RUNDC3B: variants seen among roughly 807,000 people sequenced by gnomAD.
RUNDC3B encodes the protein RUN domain containing 3B, also known as RUN domain-containing protein 3B.
RUNDC3B carries 33 observed loss-of-function variants against 58.4 expected under a neutral mutation model. The observed-to-expected ratio is 0.56, with a 90% CI of 0.43 to 0.75. The LOEUF is 0.75. Among genes scored for constraint, RUNDC3B ranks in the 30% least tolerant of loss-of-function variants. The pLI is 0.00. For missense variants in RUNDC3B, 501 were observed against 535.7 expected (o/e 0.94, Z 0.64); for synonymous variants, 193 against 195.2 (o/e 0.99, Z 0.10).
intron 2 of RUNDC3B, among the ~76,000 whole-genome samples, chr7:87,690,746 T>A (rs1228212905): frequency 1.3e-5 from 2 of 152,172 alleles, no homozygotes; most frequent in Non-Finnish European, 2.9e-5. Context: ...TATATGATAC[T>A]GCCAATTTAT....
At chr7:87,735,196 C>T (rs1218894664) in intron 4 of RUNDC3B, among the ~76,000 whole-genome samples, 1 of 152,180 alleles carries the variant, frequency 6.6e-6, no homozygotes, top group Non-Finnish European at 1.5e-5. Flanking sequence ...AAAAGTCATA[C>T]CTGATTCCTC....
At chr7:87,655,792 C>T (rs146458356) in intron 2 of RUNDC3B, among the ~76,000 whole-genome samples, 3 of 152,206 alleles carry the variant, frequency 2.0e-5, no homozygotes, top group African/African-American at 7.2e-5. Context: ...AACTTAACCC[C>T]CTGTCCAACA....
chr7:87,806,381 G>C (rs191440298), intron 8 of RUNDC3B, among the ~76,000 whole-genome samples: 1 of 152,214 alleles, frequency 6.6e-6, no homozygotes, highest in Admixed American at 6.5e-5. Flanking sequence ...CCCACAACAG[G>C]ACTTTTATCT....
At chr7:87,673,366 T>C (rs893212862) in intron 2 of RUNDC3B, among the ~76,000 whole-genome samples, 1 of 152,214 alleles carries the variant, frequency 6.6e-6, no homozygotes, top group Non-Finnish European at 1.5e-5. Flanking sequence ...ATGAATCACA[T>C]ATTTTGTCTC....
intron 2 of RUNDC3B, among the ~76,000 whole-genome samples, chr7:87,695,942 A>T (rs921796784): frequency 4.6e-5 from 7 of 152,114 alleles, no homozygotes; most frequent in African/African-American, 1.7e-4. Flanking sequence ...GGTCCTAAAG[A>T]TGAGGCAATT....
chr7:87,643,887 T>C (rs1338946629), intron 1 of RUNDC3B, among the ~76,000 whole-genome samples: 1 of 151,828 alleles, frequency 6.6e-6, no homozygotes, highest in African/African-American at 2.4e-5. Context: ...TTTGTTTGTT[T>C]CCGCTCTTTC....
At chr7:87,717,617 C>T (rs1830635386) in intron 4 of RUNDC3B, among the ~76,000 whole-genome samples, 1 of 151,806 alleles carries the variant, frequency 6.6e-6, no homozygotes, top group East Asian at 1.9e-4. Context: ...ATATAATTTG[C>T]CCAAATAGGC....
chr7:87,753,128 T>C (rs1321981628), intron 6 of RUNDC3B, among the ~76,000 whole-genome samples: 1 of 151,994 alleles, frequency 6.6e-6, no homozygotes, highest in Non-Finnish European at 1.5e-5. Context: ...CATTTCGTTA[T>C]GTACCCAGTA....
chr7:87,692,419 T>G (rs1475264031), intron 2 of RUNDC3B, among the ~76,000 whole-genome samples: 5 of 152,300 alleles, frequency 3.3e-5, no homozygotes, highest in Non-Finnish European at 7.4e-5. Context: ...AATGCATCAC[T>G]GAGCTCCAGC....
At chr7:87,739,735 G>T (rs572689897) in intron 4 of RUNDC3B, 56 bp from the exon 5 acceptor site, 2 of 786,578 alleles carry the variant, frequency 2.5e-6, no homozygotes, top group Admixed American at 2.1e-5. Flanking sequence ...GATTTCTCTC[G>T]ATCAAACTTC....
chr7:87,686,583 G>A (rs1487709105), intron 2 of RUNDC3B, among the ~76,000 whole-genome samples: 2 of 152,046 alleles, frequency 1.3e-5, no homozygotes, highest in East Asian at 1.9e-4. Context: ...CTTCAGCTTG[G>A]TGACATGAGG....
At chr7:87,697,871 C>T (rs953559019) in intron 2 of RUNDC3B, among the ~76,000 whole-genome samples, 2 of 152,006 alleles carry the variant, frequency 1.3e-5, no homozygotes, top group African/African-American at 2.4e-5. Flanking sequence ...TCAGGTCCAC[C>T]GGACTCAAAG....
intron 2 of RUNDC3B, among the ~76,000 whole-genome samples, chr7:87,696,708 C>G (rs930272366): frequency 6.6e-6 from 1 of 152,004 alleles, no homozygotes; most frequent in African/African-American, 2.4e-5. Context: ...AAGTCATCCT[C>G]ACATCTAATT....
chr7:87,727,433 G>T (rs1303223116), intron 4 of RUNDC3B, among the ~76,000 whole-genome samples: 1 of 151,996 alleles, frequency 6.6e-6, no homozygotes, highest in Non-Finnish European at 1.5e-5. Context: ...GTTCACTTTA[G>T]TAATCCAATT....
chr7:87,812,018 ACTGT>A (rs1836746225), intron 9 of RUNDC3B, among the ~76,000 whole-genome samples: 1 of 152,184 alleles, frequency 6.6e-6, no homozygotes, highest in African/African-American at 2.4e-5. Context: ...TATGTATCAC[ACTGT>A]CTGTTGCCCA....
At chr7:87,670,448 T>C (rs1280303394) in intron 2 of RUNDC3B, among the ~76,000 whole-genome samples, 3 of 152,224 alleles carry the variant, frequency 2.0e-5, no homozygotes, top group Admixed American at 1.3e-4. Context: ...TTTGTACCTA[T>C]CCATAGTCTG....
chr7:87,708,364 T>C (rs948029361), intron 3 of RUNDC3B, among the ~76,000 whole-genome samples: 1 of 152,084 alleles, frequency 6.6e-6, no homozygotes, highest in Non-Finnish European at 1.5e-5. Context: ...TATGAATAAC[T>C]TCACATCTAT....
At chr7:87,710,732 G>A in intron 4 of RUNDC3B, 77 bp downstream of exon 4, 1 of 742,958 alleles carries the variant, frequency 1.3e-6, no homozygotes, top group Non-Finnish European at 2.2e-6. Flanking sequence ...ATAGGATGAA[G>A]AATCAATTTC....
chr7:87,789,995 A>G (rs1563211295), intron 8 of RUNDC3B, among the ~76,000 whole-genome samples: 1 of 152,188 alleles, frequency 6.6e-6, no homozygotes, highest in African/African-American at 2.4e-5. Flanking sequence ...TGGCTTCACT[A>G]TCTGCTGATC....
Sources: gnomAD v4.1 joint callset for allele counts (sites outside exome capture counted in the v4.1 genomes callset) on GRCh38, gnomAD v4.1.1 for gene constraint, MANE v1.5 for transcripts, NCBI Gene and HGNC (gene_info 2026-07-23, HGNC 2026-07-21) for gene names.